VTI1A: variants seen among roughly 807,000 people sequenced by gnomAD.
VTI1A encodes the protein vesicle transport through interaction with t-SNAREs 1A.
In VTI1A, 22 loss-of-function variants were observed where a neutral mutation model predicts 34.9. The observed-to-expected ratio is 0.63, with a 90% CI of 0.45 to 0.90. VTI1A has a LOEUF of 0.90. VTI1A is among the 40% of genes least tolerant of loss of function. The pLI is 0.00. For missense variants in VTI1A, 268 were observed against 275.6 expected, an observed-to-expected ratio of 0.97 and a Z score of 0.20; for synonymous variants, 87 against 97.3, an observed-to-expected ratio of 0.89 and a Z score of 0.62.
At chr10:112,539,807 TATACAA>T (rs1221315379) in intron 5 of VTI1A, among the ~76,000 whole-genome samples, 4 of 152,300 alleles carry the variant, frequency 2.6e-5, no homozygotes, top group Admixed American at 2.6e-4. Flanking sequence ...AAAAAACACA[TATACAA>T]ATATAAATAT....
intron 7 of VTI1A, among the ~76,000 whole-genome samples, chr10:112,699,628 C>G (rs1848919650): frequency 6.6e-6 from 1 of 151,708 alleles, no homozygotes; most frequent in African/African-American, 2.4e-5. Flanking sequence ...GTCAGGAGAT[C>G]AAGACCGTCC....
intron 7 of VTI1A, among the ~76,000 whole-genome samples, chr10:112,671,007 G>GT (rs1338214458): frequency 6.6e-6 from 1 of 152,166 alleles, no homozygotes; most frequent in Non-Finnish European, 1.5e-5. Context: ...AAATGCAGTG[G>GT]TTTTAGTTTC....
At chr10:112,652,780 G>A (rs1353885597) in intron 5 of VTI1A, among the ~76,000 whole-genome samples, 3 of 151,426 alleles carry the variant, frequency 2.0e-5, no homozygotes, top group Non-Finnish European at 4.4e-5. Context: ...AGGAAGGAAA[G>A]TAAGGAGAAA....
chr10:112,595,159 T>C (rs1296736608), intron 5 of VTI1A, among the ~76,000 whole-genome samples: 1 of 142,590 alleles, frequency 7.0e-6, no homozygotes, highest in Non-Finnish European at 1.5e-5. Context: ...CAAAAATCAA[T>C]TCAAGATGGA....
intron 5 of VTI1A, among the ~76,000 whole-genome samples, chr10:112,604,763 C>T (rs1247971374): frequency 6.6e-6 from 1 of 152,064 alleles, no homozygotes; most frequent in Non-Finnish European, 1.5e-5. Flanking sequence ...TCTGATTCTT[C>T]ATGTTTATTT....
At chr10:112,614,302 T>G (rs1436343921) in intron 5 of VTI1A, among the ~76,000 whole-genome samples, 10 of 152,212 alleles carry the variant, frequency 6.6e-5, no homozygotes, top group Non-Finnish European at 1.0e-4. Context: ...CAACGTGTTG[T>G]TTACTCATGC....
the VTI1A span, among the ~76,000 whole-genome samples, chr10:112,849,978 G>A: frequency 6.6e-6 from 1 of 152,182 alleles, no homozygotes; most frequent in Non-Finnish European, 1.5e-5. Flanking sequence ...CACCCAGGAA[G>A]GTGCACATCC....
chr10:112,764,065 A>T (rs985074863), intron 7 of VTI1A, among the ~76,000 whole-genome samples: 1 of 152,198 alleles, frequency 6.6e-6, no homozygotes, highest in African/African-American at 2.4e-5. Context: ...TGTCTCCCAC[A>T]TCCCTGGGAG....
chr10:112,452,234 T>G (rs1029923704), intron 1 of VTI1A, among the ~76,000 whole-genome samples: 7 of 152,142 alleles, frequency 4.6e-5, no homozygotes, highest in African/African-American at 2.4e-5. Flanking sequence ...GGGAAGATAG[T>G]CTTTAGCAGT....
At chr10:112,577,657 G>A (rs2134387540) in intron 5 of VTI1A, among the ~76,000 whole-genome samples, 1 of 152,356 alleles carries the variant, frequency 6.6e-6, no homozygotes, top group Admixed American at 6.5e-5. Context: ...AAAGGCATAT[G>A]AATGACAGGG....
intron 5 of VTI1A, among the ~76,000 whole-genome samples, chr10:112,575,520 G>A (rs1452491224): frequency 6.6e-6 from 1 of 152,218 alleles, no homozygotes; most frequent in African/African-American, 2.4e-5. Flanking sequence ...CGTCCATTGT[G>A]TGTTTTCAAG....
chr10:112,617,961 C>T (rs904125025), intron 5 of VTI1A, among the ~76,000 whole-genome samples: 1 of 152,082 alleles, frequency 6.6e-6, no homozygotes, highest in Non-Finnish European at 1.5e-5. Context: ...CGAGACCAGC[C>T]TGGCCAACAT....
chr10:112,559,168 T>C (rs1165355060), intron 5 of VTI1A, among the ~76,000 whole-genome samples: 2 of 152,186 alleles, frequency 1.3e-5, no homozygotes, highest in Admixed American at 6.5e-5. Flanking sequence ...TTAATGATGA[T>C]TGACTGCAAG....
intron 7 of VTI1A, among the ~76,000 whole-genome samples, chr10:112,716,505 G>T (rs1849619218): frequency 6.6e-6 from 1 of 152,260 alleles, no homozygotes; most frequent in African/African-American, 2.4e-5. Flanking sequence ...CTAAGTTGGG[G>T]TTCCTGGAGT....
At chr10:112,581,383 G>T (rs111420788) in intron 5 of VTI1A, among the ~76,000 whole-genome samples, 1 of 152,132 alleles carries the variant, frequency 6.6e-6, no homozygotes, top group Admixed American at 6.6e-5. Context: ...TCTGTTACAA[G>T]GTCTGCTTAA....
intron 3 of VTI1A, among the ~76,000 whole-genome samples, chr10:112,518,583 CTCTCTCTATATATA>C (rs1564809856): frequency 2.4e-5 from 2 of 83,204 alleles, no homozygotes; most frequent in Non-Finnish European, 4.6e-5. Flanking sequence ...CTCTCTCTCT[CTCTCTCTATATATA>C]TATATATATA....
Position 112,460,487 on chromosome 10 carries a change from A to G in VTI1A, c.95-37A>G, listed in dbSNP as rs530984990. The stretch of plus-strand genomic sequence containing the variant: ...GTTTTAAAATATTAAATTTATTTGT[A>G]TCTTTAGCAATTTCTTGGTATTATT... On this transcript the variant is annotated intron_variant, in intron 1 of 7. Transcript: ENST00000393077. 1.2e-5 allele frequency: 19 copies of G among 1,559,180 alleles called. No individual in the cohort carries two copies. The South Asian group carries it at 1.8e-4, about 15-fold the overall frequency.
Position 112,815,137 on chromosome 10 carries a change from GCGCA to G in VTI1A, c.561-151_561-148del, listed in dbSNP as rs1423067674. 2.6e-3 allele frequency among the ~76,000 whole-genome samples: 200 copies of G among 77,542 alleles called. 1 individual carries two copies. The highest frequency in any genetic ancestry group is 7.5e-3 in the African/African-American group (176 of 23,400). 50.9% of individuals were successfully genotyped at this position (77,542 alleles called of 152,430 possible). A position where few individuals can be genotyped will look rare whatever the true frequency, so the allele number is the denominator to read the frequency against. On this transcript the variant is annotated intron_variant, in intron 7 of 7. Transcript: ENST00000393077. The stretch of plus-strand genomic sequence containing the variant: ...AAGCTGCGTGATGTCTCTTTCGCGC[GCGCA>G]CACACACACACACACACACACACAC...
At chr10:112,845,534 C>T in the VTI1A span, among the ~76,000 whole-genome samples, 11 of 152,318 alleles carry the variant, frequency 7.2e-5, no homozygotes, top group East Asian at 1.9e-4. Context: ...ACCCTCTCCC[C>T]GGGAGGAAAA....
Sources: allele counts gnomAD v4.1 joint callset (sites outside exome capture counted in the v4.1 genomes callset), GRCh38; gene constraint gnomAD v4.1.1; transcripts MANE v1.5; gene names NCBI Gene and HGNC (gene_info 2026-07-23, HGNC 2026-07-21).